The following UNC13C variants were observed in gnomAD, a reference collection of about 807,000 sequenced individuals.
The protein encoded by UNC13C is protein unc-13 homolog C.
A neutral mutation model predicts 245.4 loss-of-function variants in UNC13C; 174 were observed. The ratio of observed to expected loss-of-function variants is 0.71; its 90% CI spans 0.63 to 0.80. The LOEUF is 0.80. UNC13C is among the 30% of genes least tolerant of loss of function. The probability of loss-of-function intolerance (pLI) is 0.00; values close to 1 mark genes in which losing one functional copy is unlikely to be tolerated. For synonymous variants in UNC13C, 992 were observed against 895.1 expected (o/e 1.11, Z -1.93); for missense variants, 2,829 against 2,602.9 (o/e 1.09, Z -1.89).
intron 19 of UNC13C, among the ~76,000 whole-genome samples, chr15:54,471,459 T>C (rs55655431): frequency 0.012 from 1,835 of 151,646 alleles, 10 homozygotes; most frequent in Non-Finnish European, 0.019. Context: ...ATGACCTTTG[T>C]TTTTATAGTT....
intron 2 of UNC13C, among the ~76,000 whole-genome samples, chr15:54,110,883 A>C (rs930714843): frequency 6.6e-6 from 1 of 152,328 alleles, no homozygotes; most frequent in African/African-American, 2.4e-5. Flanking sequence ...TGCAGATAAG[A>C]GTAAACAATT....
At chr15:54,003,919 G>T (rs774503351) in intron 1 of UNC13C, among the ~76,000 whole-genome samples, 1 of 152,106 alleles carries the variant, frequency 6.6e-6, no homozygotes, top group East Asian at 1.9e-4. Context: ...GCTGAGGCAG[G>T]AGAATGGTGT....
intron 8 of UNC13C, among the ~76,000 whole-genome samples, chr15:54,252,638 T>C (rs2036182011): frequency 6.6e-6 from 1 of 152,192 alleles, no homozygotes; most frequent in African/African-American, 2.4e-5. Context: ...AAATTGATCT[T>C]CTTCATTGTT....
intron 2 of UNC13C, among the ~76,000 whole-genome samples, chr15:54,113,122 A>T (rs936594303): frequency 6.6e-6 from 1 of 152,072 alleles, no homozygotes; most frequent in African/African-American, 2.4e-5. Flanking sequence ...ACTCAACCCA[A>T]CCTACATCTT....
intron 19 of UNC13C, among the ~76,000 whole-genome samples, chr15:54,457,939 G>T (rs1244171226): frequency 9.2e-6 from 1 of 108,432 alleles, no homozygotes; most frequent in Admixed American, 1.1e-4. Context: ...TTTGGGTTTA[G>T]TTCGTTCTTG....
At chr15:54,565,989 T>G (rs10152437) in intron 29 of UNC13C, among the ~76,000 whole-genome samples, 89,449 of 151,646 alleles carry the variant, frequency 0.59, 28,587 homozygotes, top group African/African-American at 0.85. Context: ...TAATCATCTA[T>G]CACTTTTGCT....
intron 13 of UNC13C, among the ~76,000 whole-genome samples, chr15:54,313,891 A>G (rs1052916715): frequency 1.3e-5 from 2 of 151,752 alleles, no homozygotes; most frequent in African/African-American, 2.4e-5. Flanking sequence ...GTGTTAGTCA[A>G]TGGGTGAATG....
intron 30 of UNC13C, among the ~76,000 whole-genome samples, chr15:54,606,871 C>T (rs1196758572): frequency 6.6e-6 from 1 of 152,134 alleles, no homozygotes; most frequent in Non-Finnish European, 1.5e-5. Context: ...GTGGCACATA[C>T]TCTGTCCTTA....
At chr15:54,623,506 A>C (rs1220882000) in intron 31 of UNC13C, among the ~76,000 whole-genome samples, 1 of 152,184 alleles carries the variant, frequency 6.6e-6, no homozygotes, top group East Asian at 1.9e-4. Context: ...AATACGAACA[A>C]CACCATGTTT....
At chr15:54,336,418 G>C (rs149439681) in intron 16 of UNC13C, among the ~76,000 whole-genome samples, 1 of 151,696 alleles carries the variant, frequency 6.6e-6, no homozygotes, top group East Asian at 1.9e-4. Flanking sequence ...TTTTTGCCTT[G>C]TTTGTGCCTT....
intron 4 of UNC13C, among the ~76,000 whole-genome samples, chr15:54,174,487 AT>A (rs1255789715): frequency 1.3e-5 from 2 of 152,166 alleles, no homozygotes; most frequent in African/African-American, 4.8e-5. Context: ...TATTCATAAA[AT>A]TTGGCAAATG....
At chr15:54,620,090 A>G (rs565151847) in intron 30 of UNC13C, among the ~76,000 whole-genome samples, 83 of 152,250 alleles carry the variant, frequency 5.5e-4, no homozygotes, top group Non-Finnish European at 1.1e-3. Flanking sequence ...ACTATGTTTG[A>G]CCTAATTGAA....
At chr15:53,878,435 T>C in the UNC13C span, among the ~76,000 whole-genome samples, 2 of 152,200 alleles carry the variant, frequency 1.3e-5, no homozygotes, top group Admixed American at 6.5e-5. Flanking sequence ...ATACAGACTT[T>C]CTGTTCTCTT....
intron 30 of UNC13C, among the ~76,000 whole-genome samples, chr15:54,575,574 A>C (rs988899496): frequency 2.0e-4 from 30 of 152,226 alleles, no homozygotes; most frequent in African/African-American, 7.2e-4. Flanking sequence ...TTAAAAAAAA[A>C]AAAAAATGAG....
Position 54,297,830 on chromosome 15 carries a change from A to C in UNC13C, c.4008A>C (p.Ser1336=). 1 of 1,608,926 alleles carries C rather than the reference A, an allele frequency of 6.2e-7. No homozygotes were observed. Among genetic ancestry groups the C allele is most frequent in the Non-Finnish European group, 8.5e-7 (1 of 1,177,374 alleles). ...WYNLEKRTDK[S]AVSGAIRLKI... ...TATCAGAGAAAAGGACAGATAAGTC[A>C]GCTGTATCTGGGGCCATACGATTGA... The change falls in exon 12 of 33, where the codon TCA becomes TCC. Residue 1336 remains serine, a synonymous_variant. Coordinates refer to ENST00000260323, the MANE Select transcript of UNC13C (RefSeq NM_001080534.3).
chr15:53,952,369 A>C, the UNC13C span, among the ~76,000 whole-genome samples: 1 of 152,216 alleles, frequency 6.6e-6, no homozygotes, highest in Non-Finnish European at 1.5e-5. Context: ...AAGGTTACAC[A>C]CAAATAAAAA....
At chr15:54,238,303 G>C (rs1332514685) in intron 7 of UNC13C, among the ~76,000 whole-genome samples, 1 of 152,008 alleles carries the variant, frequency 6.6e-6, no homozygotes, top group East Asian at 1.9e-4. Context: ...TCCATCTCTT[G>C]ATCTCATGAT....
At chr15:54,082,177 G>T (rs957107289) in intron 2 of UNC13C, among the ~76,000 whole-genome samples, 1 of 152,054 alleles carries the variant, frequency 6.6e-6, no homozygotes, top group African/African-American at 2.4e-5. Context: ...AGGTAATTTT[G>T]CCCTTTACTC....
intron 13 of UNC13C, chr15:54,321,554 C>T (rs1355002206): frequency 7.0e-6 from 3 of 427,918 alleles, no homozygotes; most frequent in South Asian, 5.4e-5. Context: ...TACCACATAG[C>T]CTGTGAGTGT....
Sources: gnomAD v4.1 joint callset for allele counts (sites outside exome capture counted in the v4.1 genomes callset) on GRCh38, gnomAD v4.1.1 for gene constraint, MANE v1.5 for transcripts, NCBI Gene and HGNC (gene_info 2026-07-23, HGNC 2026-07-21) for gene names.